MYO18A: variants seen among roughly 807,000 people sequenced by gnomAD.
MYO18A encodes unconventional myosin-XVIIIa.
Under a neutral mutation model 235.8 loss-of-function variants are expected in MYO18A, and 78 were observed. That is an observed-to-expected ratio of 0.33 (90% CI 0.28 to 0.40). The LOEUF (loss-of-function observed/expected upper bound fraction) is 0.40, where lower values mean the gene tolerates loss of function less well. MYO18A is among the 10% of genes least tolerant of loss of function. The pLI is 1.00. For missense variants in MYO18A, 2,215 were observed against 2,699.3 expected (o/e 0.82, Z 3.98); for synonymous variants, 977 against 1,077.8 (o/e 0.91, Z 1.83).
intron 2 of MYO18A, among the ~76,000 whole-genome samples, chr17:29,148,117 A>G (rs1238843297): frequency 6.6e-6 from 1 of 152,054 alleles, no homozygotes; most frequent in African/African-American, 2.4e-5. Flanking sequence ...GCTTGGGAAG[A>G]TATATTTTGT....
chr17:29,154,786 G>GCAGAAGATGCCAGCC (rs2068032471), intron 2 of MYO18A, among the ~76,000 whole-genome samples: 1 of 152,178 alleles, frequency 6.6e-6, no homozygotes, highest in African/African-American at 2.4e-5. Context: ...GGAGGGCGAG[G>GCAGAAGATGCCAGCC]CAGAAGATGC....
In MYO18A at chr17:29,109,777, C is replaced by G; in HGVS notation, c.3331+81G>C. 6.7e-7 allele frequency: 1 copy of G among 1,491,756 alleles called. No individual in the cohort carries two copies. The highest frequency in any genetic ancestry group is 9.1e-7 in the Non-Finnish European group (1 of 1,104,574). 92.4% of individuals were successfully genotyped at this position (1,491,756 alleles called of 1,614,324 possible). A position where few individuals can be genotyped will look rare whatever the true frequency, so the allele number is the denominator to read the frequency against. On this transcript the variant is annotated intron_variant, in intron 19 of 41. Coordinates refer to ENST00000527372, the MANE Select transcript of MYO18A (RefSeq NM_078471.4). This position sits in a 1 kb window ranked among gnomAD's most constrained non-coding sequence, Gnocchi z 4.1. ...ACAGGAGCAGCCCCACTGCAGCCCA[C>G]GGGTCGCAGGTGGGAGGTGGGGCCG...
intron 41 of MYO18A, chr17:29,076,963 T>C (rs1373366891): frequency 1.3e-5 from 2 of 152,246 alleles, no homozygotes; most frequent in Non-Finnish European, 2.9e-5. Flanking sequence ...GCCCCTCTGG[T>C]CCTTTCCATT....
intron 2 of MYO18A, among the ~76,000 whole-genome samples, chr17:29,138,207 C>T (rs2067651895): frequency 6.6e-6 from 1 of 152,194 alleles, no homozygotes; most frequent in South Asian, 2.1e-4. Context: ...TGGACAAATG[C>T]TTTGAGGCCC....
intron 41 of MYO18A, chr17:29,080,689 G>A: frequency 1.0e-6 from 1 of 985,492 alleles, no homozygotes; most frequent in Non-Finnish European, 1.2e-6. Flanking sequence ...GACGGTGGAG[G>A]CCGGGCTGAA....
chr17:29,116,167 C>A (rs1180790072), intron 11 of MYO18A, among the ~76,000 whole-genome samples: 1 of 152,230 alleles, frequency 6.6e-6, no homozygotes, highest in East Asian at 1.9e-4. Flanking sequence ...AGAGGATGAA[C>A]CAGCCCACCT....
rs11867175 is a variant in MYO18A, at chr17:29,117,008, C to T, written c.2039-553G>A. On this transcript the variant is annotated intron_variant, in intron 10 of 41. Coordinates refer to ENST00000527372, the MANE Select transcript of MYO18A (RefSeq NM_078471.4). This position sits in a 1 kb window ranked among gnomAD's most constrained non-coding sequence, Gnocchi z 4.6. ...AGGGATGCCACTTCTTGGGGTCGCT[C>T]GCATGGAGCCTCACGCCTGGGCACC... Among the ~76,000 whole-genome samples, 2,371 of 152,000 alleles carry T rather than the reference C, an allele frequency of 0.016. 72 individuals carry two copies. Among genetic ancestry groups the T allele is most frequent in the African/African-American group, 0.054 (2,233 of 41,446 alleles).
chr17:29,157,119 A>G (rs1457698710), intron 2 of MYO18A, among the ~76,000 whole-genome samples: 3 of 152,200 alleles, frequency 2.0e-5, no homozygotes, highest in Non-Finnish European at 4.4e-5. Flanking sequence ...GAGAGGGGCA[A>G]CGTCCCAGAC....
chr17:29,153,408 G>T (rs1033908453), intron 2 of MYO18A, among the ~76,000 whole-genome samples: 1 of 152,236 alleles, frequency 6.6e-6, no homozygotes, highest in African/African-American at 2.4e-5. Flanking sequence ...CTTCCAAAGT[G>T]TTGGGGTTAC....
At position 29,125,664 on chromosome 17, in the gene MYO18A, C is replaced by T. The variant is rs150187358; in HGVS notation, c.1000-3411G>A. ...CCAGAGAAAGGGACTGGGCCCTGAG[C>T]GAGGAGGGGTGCCCTCCCACATGCA... On this transcript the variant is annotated intron_variant, in intron 2 of 41. Transcript: ENST00000527372. This position sits in a 1 kb window ranked among gnomAD's most constrained non-coding sequence, Gnocchi z 5.1. 8.7e-4 allele frequency among the ~76,000 whole-genome samples: 133 copies of T among 152,344 alleles called. No individual in the cohort carries two copies. Among genetic ancestry groups the T allele is most frequent in the Non-Finnish European group, 1.6e-3 (112 of 68,030 alleles).
At chr17:29,145,952 T>C (rs566258235) in intron 2 of MYO18A, among the ~76,000 whole-genome samples, 2 of 152,150 alleles carry the variant, frequency 1.3e-5, no homozygotes, top group African/African-American at 4.8e-5. Context: ...GAAGAAGTAG[T>C]GTAAGAGAAG....
At chr17:29,075,367 A>C (rs549239037) in intron 41 of MYO18A, 38 of 169,986 alleles carry the variant, frequency 2.2e-4, no homozygotes, top group Admixed American at 5.0e-4. Context: ...AGTGATTCCT[A>C]AAAAGATTCC....
intron 41 of MYO18A, chr17:29,080,983 G>A (rs908993514): frequency 2.5e-5 from 25 of 985,370 alleles, no homozygotes; most frequent in Non-Finnish European, 2.8e-5. Context: ...CTCCACCCCC[G>A]GGGCCTCCTT....
chr17:29,142,383 G>C (rs1031799858), intron 2 of MYO18A, among the ~76,000 whole-genome samples: 1 of 152,268 alleles, frequency 6.6e-6, no homozygotes. Context: ...TGATTTAGCT[G>C]TGTGAACACA....
intron 2 of MYO18A, among the ~76,000 whole-genome samples, chr17:29,135,303 C>T (rs376869781): frequency 5.3e-5 from 8 of 152,054 alleles, no homozygotes; most frequent in Admixed American, 1.3e-4. Context: ...AGGGTTTCAC[C>T]GTGTGAGCCA....
At position 29,090,550 on chromosome 17, in the gene MYO18A, C is replaced by T. The variant is rs755918955; in HGVS notation, c.5370G>A (p.Lys1790=). 12 of 1,595,702 alleles carry T rather than the reference C, an allele frequency of 7.5e-6. No individual in the cohort carries two copies. The highest frequency in any genetic ancestry group is 1.3e-5 in the African/African-American group (1 of 74,634). The change falls in exon 36 of 42, where the codon AAG becomes AAA. Residue 1790 remains lysine, a synonymous_variant. Transcript: ENST00000527372. Reference sequence around the variant, plus strand: ...TCCTCACCTTCTCCTGCAGCTCCTGCTTCTCTTTGTTGGCTTCTTCTAGCT... The same window carrying T: ...TCCTCACCTTCTCCTGCAGCTCCTGTTTCTCTTTGTTGGCTTCTTCTAGCT... ...QAQLEEANKE[K]QELQEKLQAL... is the part of the protein sequence containing the mutation.
intron 41 of MYO18A, chr17:29,080,658 G>A: frequency 2.0e-6 from 2 of 985,610 alleles, no homozygotes; most frequent in Non-Finnish European, 2.4e-6. Flanking sequence ...TGGCCGAGGA[G>A]GCCCGGCTGA....
At chr17:29,116,244 A>G (rs2067056665) in intron 11 of MYO18A, among the ~76,000 whole-genome samples, 200 bp downstream of exon 11, 1 of 152,176 alleles carries the variant, frequency 6.6e-6, no homozygotes, top group African/African-American at 2.4e-5. Context: ...ATGCCTCCAC[A>G]TTCCCTGAGT....
At chr17:29,175,038 G>A (rs1049921366) in intron 1 of MYO18A, among the ~76,000 whole-genome samples, 3 of 152,126 alleles carry the variant, frequency 2.0e-5, no homozygotes, top group African/African-American at 7.2e-5. Flanking sequence ...CATATGTGTA[G>A]GAAAAATATA....
Sources: gnomAD v4.1 joint callset for allele counts (sites outside exome capture counted in the v4.1 genomes callset) on GRCh38, gnomAD v4.1.1 for gene constraint, Gnocchi (gnomAD v3.1) non-coding constraint, MANE v1.5 for transcripts, NCBI Gene and HGNC (gene_info 2026-07-23, HGNC 2026-07-21) for gene names.